Variants in GRID1 observed in about 807,000 individuals in gnomAD.
GRID1 encodes the protein glutamate receptor ionotropic, delta-1.
Under a neutral mutation model 98.0 loss-of-function variants are expected in GRID1, and 28 were observed. The ratio of observed to expected loss-of-function variants is 0.29; its 90% CI spans 0.21 to 0.39. The LOEUF (loss-of-function observed/expected upper bound fraction) is 0.39, where lower values mean the gene tolerates loss of function less well. GRID1 is among the 10% of genes least tolerant of loss of function. GRID1 has a pLI of 1.00. For synonymous variants in GRID1, 553 were observed against 538.5 expected (o/e 1.03, Z -0.37); for missense variants, 1,111 against 1,340.5 (o/e 0.83, Z 2.67).
chr10:86,351,168 G>C (rs10788494), intron 2 of GRID1, among the ~76,000 whole-genome samples: 57,140 of 152,206 alleles, frequency 0.38, 12,832 homozygotes, highest in Admixed American at 0.51. Flanking sequence ...GACTGTCCAT[G>C]AGGCTTCTAC....
chr10:85,602,759 T>A, intron 15 of GRID1, 58 bp from the exon 16 acceptor site: 1 of 1,319,172 alleles, frequency 7.6e-7, no homozygotes, highest in East Asian at 2.4e-5. Context: ...AAGGCTGGCT[T>A]GCTACAGCTC....
At chr10:86,141,388 G>C (rs956678856) in intron 3 of GRID1, among the ~76,000 whole-genome samples, 5 of 152,200 alleles carry the variant, frequency 3.3e-5, no homozygotes, top group African/African-American at 1.2e-4. Flanking sequence ...AGCAGGGCAA[G>C]TGTGCAGAGA....
intron 2 of GRID1, among the ~76,000 whole-genome samples, chr10:86,298,627 C>T (rs1298881345): frequency 6.6e-6 from 1 of 152,146 alleles, no homozygotes; most frequent in African/African-American, 2.4e-5. Flanking sequence ...CCTGGAAAGG[C>T]CCCTCCTTCA....
At chr10:85,853,690 C>A (rs1231134826) in intron 8 of GRID1, among the ~76,000 whole-genome samples, 1 of 152,228 alleles carries the variant, frequency 6.6e-6, no homozygotes, top group African/African-American at 2.4e-5. Context: ...ATCAGCTCCA[C>A]ATTGGCTCAC....
chr10:85,872,251 A>G (rs189266278), intron 5 of GRID1, among the ~76,000 whole-genome samples: 110 of 152,348 alleles, frequency 7.2e-4, no homozygotes, highest in African/African-American at 2.4e-3. Context: ...AAGACAGAAT[A>G]TAAAGGACCT....
chr10:86,116,298 A>G (rs140306323), intron 4 of GRID1, among the ~76,000 whole-genome samples: 370 of 152,330 alleles, frequency 2.4e-3, no homozygotes, highest in African/African-American at 8.6e-3. Context: ...AAAAATAAGT[A>G]TCTGGAAAAC....
intron 4 of GRID1, among the ~76,000 whole-genome samples, chr10:86,032,969 A>T (rs1843208068): frequency 6.6e-6 from 1 of 151,078 alleles, no homozygotes; most frequent in South Asian, 2.1e-4. Context: ...AAAAATAAAT[A>T]TAAATAAATA....
intron 4 of GRID1, among the ~76,000 whole-genome samples, chr10:86,073,935 C>A (rs1386582405): frequency 2.1e-5 from 3 of 139,968 alleles, no homozygotes; most frequent in African/African-American, 8.0e-5. Context: ...CAGGACAGAG[C>A]TCTCCATCTG....
At position 86,155,108 on chromosome 10, in the gene GRID1, C is replaced by A. The variant is rs576790373; in HGVS notation, c.521-16084G>T. Among the ~76,000 whole-genome samples the A allele has an allele frequency of 5.3e-4, 80 of 152,354 alleles. 2 individuals carry two copies. The highest frequency in any genetic ancestry group is 2.3e-3 in the Admixed American group (35 of 15,306). The stretch of plus-strand genomic sequence containing the variant: ...GAAGCCCCTCATTATTGTTAGCCCC[C>A]TTCACCTTCCAGAAAATCCAATAAT... On this transcript the variant is annotated intron_variant, in intron 3 of 15. Transcript: ENST00000327946.
chr10:85,874,856 T>C (rs1843312675), intron 5 of GRID1, among the ~76,000 whole-genome samples: 2 of 152,114 alleles, frequency 1.3e-5, no homozygotes, highest in South Asian at 4.2e-4. Context: ...TTATGTTATT[T>C]TATTTTATGT....
rs192800298 is a variant in GRID1, at chr10:86,016,726, C to T, written c.727-100487G>A. On this transcript the variant is annotated intron_variant, in intron 4 of 15. Coordinates refer to ENST00000327946, the MANE Select transcript of GRID1 (RefSeq NM_017551.3). ...ATGGCTCTAAAAAATAGTCTTATAC[C>T]ACAATTGCTCTCTCAGATCTCTGCC... 5.6e-4 allele frequency among the ~76,000 whole-genome samples: 85 copies of T among 152,192 alleles called. 1 individual carries two copies. Among genetic ancestry groups the T allele is most frequent in the African/African-American group, 2.0e-3 (83 of 41,510 alleles).
At position 85,638,012 on chromosome 10, in the gene GRID1, G is replaced by A. The variant is rs528427407; in HGVS notation, c.2193+9190C>T. 5.9e-5 allele frequency among the ~76,000 whole-genome samples: 9 copies of A among 152,282 alleles called. No individual in the cohort carries two copies. In the East Asian group the frequency reaches 1.7e-3, roughly 29 times the overall value. On this transcript the variant is annotated intron_variant, in intron 13 of 15. Coordinates refer to ENST00000327946, the MANE Select transcript of GRID1 (RefSeq NM_017551.3). Reference sequence around the variant, plus strand: ...GGGTTAAAACAGTGTTTAGAGGGAAGTTTATAGCTCTAATACTTATATTAG... The same window carrying A: ...GGGTTAAAACAGTGTTTAGAGGGAAATTTATAGCTCTAATACTTATATTAG...
chr10:86,054,660 A>G (rs367754219), intron 4 of GRID1, among the ~76,000 whole-genome samples: 2 of 152,182 alleles, frequency 1.3e-5, no homozygotes, highest in East Asian at 1.9e-4. Context: ...TGTAATAATA[A>G]CATAATAGCA....
intron 2 of GRID1, among the ~76,000 whole-genome samples, chr10:86,321,015 C>A (rs1847962875): frequency 6.6e-6 from 1 of 151,360 alleles, no homozygotes. Context: ...CAGGAGAATG[C>A]CGTGAACCTG....
intron 2 of GRID1, among the ~76,000 whole-genome samples, chr10:86,245,013 C>T (rs1028630505): frequency 4.6e-5 from 7 of 152,212 alleles, no homozygotes; most frequent in African/African-American, 1.7e-4. Flanking sequence ...CTTGATGCTA[C>T]CCAGGGTAAT....
intron 8 of GRID1, among the ~76,000 whole-genome samples, chr10:85,797,502 T>C (rs557092792): frequency 1.2e-4 from 18 of 152,258 alleles, no homozygotes; most frequent in African/African-American, 4.1e-4. Flanking sequence ...CAATCTCAGC[T>C]CACTGCAACC....
At chr10:85,976,123 C>T (rs943132742) in intron 4 of GRID1, among the ~76,000 whole-genome samples, 2 of 152,148 alleles carry the variant, frequency 1.3e-5, no homozygotes, top group African/African-American at 4.8e-5. Flanking sequence ...TTGTACTATT[C>T]TCTTCTCTTT....
intron 3 of GRID1, among the ~76,000 whole-genome samples, chr10:86,147,762 C>A (rs1052697177): frequency 2.0e-5 from 3 of 152,234 alleles, no homozygotes; most frequent in Non-Finnish European, 2.9e-5. Flanking sequence ...TGCTCCAGAG[C>A]ATGCCTTTTA....
chr10:86,145,204 G>A (rs1421745301), intron 3 of GRID1, among the ~76,000 whole-genome samples: 3 of 152,164 alleles, frequency 2.0e-5, no homozygotes, highest in African/African-American at 7.2e-5. Flanking sequence ...GACATTTTGG[G>A]TACCTAAGAG....
Sources: gnomAD v4.1 joint callset for allele counts (sites outside exome capture counted in the v4.1 genomes callset) on GRCh38, gnomAD v4.1.1 for gene constraint, MANE v1.5 for transcripts, NCBI Gene and HGNC (gene_info 2026-07-23, HGNC 2026-07-21) for gene names.